PCNX1: variants seen among roughly 807,000 people sequenced by gnomAD.
The protein encoded by PCNX1 is pecanex 1, also known as pecanex-like protein 1.
A neutral mutation model predicts 242.2 loss-of-function variants in PCNX1; 78 were observed. That is an observed-to-expected ratio of 0.32 (90% CI 0.27 to 0.39). The LOEUF is 0.39. PCNX1 is among the 10% of genes least tolerant of loss of function. The pLI is 1.00. For synonymous variants in PCNX1, 1,024 were observed against 1,032.9 expected (o/e 0.99, Z 0.17); for missense variants, 2,581 against 2,856.5 (o/e 0.90, Z 2.20).
intron 2 of PCNX1, 65 bp from the exon 3 acceptor site, chr14:70,962,161 A>T (rs2058237932): frequency 1.0e-6 from 1 of 984,014 alleles, no homozygotes; most frequent in African/African-American, 1.6e-5. Context: ...TAAAAAATTA[A>T]CAAAGGAAAA....
chr14:71,006,915 A>G (rs1420656099), intron 8 of PCNX1, among the ~76,000 whole-genome samples: 1 of 152,164 alleles, frequency 6.6e-6, no homozygotes, highest in African/African-American at 2.4e-5. Context: ...GCCTTATTAC[A>G]GTGTTAGTTT....
intron 26 of PCNX1, among the ~76,000 whole-genome samples, chr14:71,066,179 A>T (rs1167886064): frequency 1.3e-5 from 2 of 152,224 alleles, no homozygotes; most frequent in Non-Finnish European, 2.9e-5. Flanking sequence ...TGGGGATAGC[A>T]TTGAATCTAT....
At chr14:70,909,306 G>GCCTGTTTTATTAGGGGGA (rs1308450356) in intron 1 of PCNX1, among the ~76,000 whole-genome samples, 30 of 151,164 alleles carry the variant, frequency 2.0e-4, no homozygotes, top group African/African-American at 7.0e-4. Flanking sequence ...ATGGCTTGTG[G>GCCTGTTTTATTAGGGGGA]CTTGTTTTAT....
At chr14:70,994,001 A>G (rs2140311274) in intron 7 of PCNX1, among the ~76,000 whole-genome samples, 1 of 152,318 alleles carries the variant, frequency 6.6e-6, no homozygotes, top group East Asian at 1.9e-4. Flanking sequence ...TTAAATAAAT[A>G]CTTTTATCAT....
chr14:71,067,295 T>G (rs955187446), intron 26 of PCNX1, among the ~76,000 whole-genome samples: 5 of 152,164 alleles, frequency 3.3e-5, no homozygotes, highest in Non-Finnish European at 1.5e-5. Flanking sequence ...TCAGAACTTG[T>G]TATTGGTCTA....
chr14:71,036,004 A>C, intron 18 of PCNX1, 61 bp from the exon 19 acceptor site: 1 of 1,155,764 alleles, frequency 8.7e-7, no homozygotes, highest in African/African-American at 1.6e-5. Flanking sequence ...ATTGGGAATA[A>C]AGGAAAAAGA....
At chr14:70,928,340 C>T (rs752339314) in intron 1 of PCNX1, among the ~76,000 whole-genome samples, 97 of 152,242 alleles carry the variant, frequency 6.4e-4, no homozygotes, top group Non-Finnish European at 1.1e-3. Context: ...TGAATGCTTA[C>T]TTTTACTTAA....
At chr14:70,976,583 C>T (rs1401389805) in intron 5 of PCNX1, among the ~76,000 whole-genome samples, 1 of 152,032 alleles carries the variant, frequency 6.6e-6, no homozygotes, top group Non-Finnish European at 1.5e-5. Context: ...CAGTGTTAGC[C>T]AGGATGGTCT....
intron 26 of PCNX1, among the ~76,000 whole-genome samples, chr14:71,065,712 G>A (rs1028382955): frequency 1.3e-5 from 2 of 152,146 alleles, no homozygotes; most frequent in African/African-American, 4.8e-5. Context: ...GAATGGTATT[G>A]TCTAGCTTTT....
At position 71,108,618 on chromosome 14, in the gene PCNX1, TCTCA is replaced by T. The variant is rs2062685889; in HGVS notation, c.6320_6323del (p.His2107LeufsTer16). 6.2e-7 allele frequency: 1 copy of T among 1,611,208 alleles called. No homozygotes were observed. The highest frequency in any genetic ancestry group is 8.5e-7 in the Non-Finnish European group (1 of 1,177,902). On this transcript the variant is annotated frameshift_variant, in exon 34 of 36. Transcript: ENST00000304743. LOFTEE classifies it high-confidence loss of function. ...TCTCCTCCTAGGCACTAGCCACAGC[TCTCA>T]CTCTGTGCAGTCGGGCCTGGTCAGA...
At chr14:71,057,126 A>G (rs902924280) in intron 25 of PCNX1, among the ~76,000 whole-genome samples, 2 of 151,928 alleles carry the variant, frequency 1.3e-5, no homozygotes, top group African/African-American at 4.8e-5. Context: ...TACTTCCTTT[A>G]CTAAATAGTC....
chr14:71,003,209 A>G (rs1236876313), intron 8 of PCNX1, among the ~76,000 whole-genome samples: 2 of 148,618 alleles, frequency 1.3e-5, no homozygotes, highest in African/African-American at 5.0e-5. Flanking sequence ...TCAGCCCCGC[A>G]AGTAGCTGGG....
In PCNX1 at chr14:70,976,971, C is replaced by A; in HGVS notation, c.634C>A (p.Leu212Ile). 6.2e-7 allele frequency: 1 copy of A among 1,613,528 alleles called. No individual in the cohort carries two copies. Among genetic ancestry groups the A allele is most frequent in the Non-Finnish European group, 8.5e-7 (1 of 1,179,576 alleles). The change falls in exon 6 of 36, where the codon CTT becomes ATT. Residue 212 changes from leucine (L) to isoleucine (I), a missense_variant. Leu to Ile is a conservative substitution (Grantham distance 5). Around this residue, in one of 9 missense-constraint regions of PCNX1, gnomAD observed 1,204 missense variants for 1,216.7 expected, o/e 0.99. Transcript: ENST00000304743. ...DLAADRKLFR[L>I]VSNDSFISIQ... ...GGCAGCTGATCGGAAGCTCTTTCGT[C>A]TTGTCTCCAATGACTCCTTCATCTC...
At chr14:70,976,005 A>G (rs1470228505) in intron 5 of PCNX1, among the ~76,000 whole-genome samples, 1 of 152,166 alleles carries the variant, frequency 6.6e-6, no homozygotes, top group African/African-American at 2.4e-5. Flanking sequence ...GATGTCTTAC[A>G]TCATTATATC....
intron 2 of PCNX1, among the ~76,000 whole-genome samples, chr14:70,950,061 A>C (rs926794254): frequency 1.3e-5 from 2 of 152,118 alleles, no homozygotes; most frequent in Admixed American, 6.5e-5. Context: ...ATTTCTGTAT[A>C]TTTTCCAGGG....
rs45604540 is a variant in PCNX1 at position 71,111,936 on chromosome 14, C to A, written c.*2001C>A. 1,376 of 152,570 alleles carry A rather than the reference C, an allele frequency of 9.0e-3. 10 individuals are homozygous for A. Among genetic ancestry groups the A allele is most frequent in the Non-Finnish European group, 0.012 (842 of 67,918 alleles). The allele number at this position is 152,570 out of a possible 1,614,324, so 9.5% of individuals were successfully genotyped here. A position where few individuals can be genotyped will look rare whatever the true frequency, so the allele number is the denominator to read the frequency against. Reference sequence around the variant, plus strand: ...CTGCATTTGCCTCATTTTGGCAGATCTACAGTATGCCATTAAAGTTTAGTG... The same window carrying A: ...CTGCATTTGCCTCATTTTGGCAGATATACAGTATGCCATTAAAGTTTAGTG... On this transcript the variant is annotated 3_prime_UTR_variant, in exon 36 of 36. Coordinates refer to ENST00000304743, the MANE Select transcript of PCNX1 (RefSeq NM_014982.3).
intron 16 of PCNX1, chr14:71,031,849 T>TAGAC: frequency 6.8e-7 from 1 of 1,477,980 alleles, no homozygotes; most frequent in Non-Finnish European, 9.5e-7. Flanking sequence ...TGGCTTCAGG[T>TAGAC]AGACACACTG....
chr14:71,051,180 A>C (rs1217310925), intron 23 of PCNX1, among the ~76,000 whole-genome samples: 2 of 145,184 alleles, frequency 1.4e-5, no homozygotes, highest in Admixed American at 6.9e-5. Context: ...AAAAAAAAAA[A>C]AAAAAAAAAA....
chr14:71,074,983 TTCTTC>T (rs2061676626), intron 27 of PCNX1, among the ~76,000 whole-genome samples: 1 of 149,748 alleles, frequency 6.7e-6, no homozygotes, highest in Non-Finnish European at 1.5e-5. Context: ...GTTTTTTCTT[TTCTTC>T]TCTTTTTTTT....
Sources: allele counts gnomAD v4.1 joint callset (sites outside exome capture counted in the v4.1 genomes callset), GRCh38; gene constraint gnomAD v4.1.1; regional missense constraint gnomAD v4.1.1; transcripts MANE v1.5; gene names NCBI Gene and HGNC (gene_info 2026-07-23, HGNC 2026-07-21).